Variants in KCNC2 observed in about 807,000 individuals in gnomAD.
KCNC2 encodes voltage-gated potassium channel KCNC2.
In KCNC2, 21 loss-of-function variants were observed where a neutral mutation model predicts 44.5. That is an observed-to-expected ratio of 0.47 (90% CI 0.33 to 0.68). The LOEUF (loss-of-function observed/expected upper bound fraction) is 0.68. Among genes scored for constraint, KCNC2 ranks in the 30% least tolerant of loss-of-function variants. The pLI, the probability that KCNC2 is intolerant of heterozygous loss-of-function variation, is 0.01. For synonymous variants in KCNC2, 391 were observed against 339.1 expected (o/e 1.15, Z -1.68); for missense variants, 589 against 826.2 (o/e 0.71, Z 3.52).
In KCNC2 at chr12:75,041,873, G is replaced by T. The variant is rs538861072; in HGVS notation, c.*1232C>A. ...CAAAAAATGGTATGGAGTCGGGTTT[G>T]GAGGGAGTAAATATTAAAATCATAA... is the stretch of plus-strand genomic sequence containing the variant. On this transcript the variant is annotated 3_prime_UTR_variant, in exon 5 of 5. Transcript: ENST00000549446. 5.8e-5 allele frequency: 57 copies of T among 990,534 alleles called. 1 individual carries two copies. In the South Asian group the frequency reaches 2.3e-3, roughly 39 times the overall value. The allele number at this position is 990,534 out of a possible 1,614,324, so 61.4% of individuals were successfully genotyped here. A position where few individuals can be genotyped will look rare whatever the true frequency, so the allele number is the denominator to read the frequency against.
At chr12:75,158,537 C>T (rs1439007798) in intron 2 of KCNC2, among the ~76,000 whole-genome samples, 2 of 151,802 alleles carry the variant, frequency 1.3e-5, no homozygotes, top group East Asian at 1.9e-4. Flanking sequence ...GAGGGCCTGG[C>T]GCTTTGAAAT....
At chr12:75,065,813 C>A (rs961630417) in intron 2 of KCNC2, among the ~76,000 whole-genome samples, 2 of 152,050 alleles carry the variant, frequency 1.3e-5, no homozygotes, top group South Asian at 4.1e-4. Context: ...TACATGACTG[C>A]ATTACAAATA....
chr12:75,051,343 A>G (rs773626719), intron 2 of KCNC2, 26 bp from the exon 3 acceptor site: 5 of 1,308,718 alleles, frequency 3.8e-6, no homozygotes, highest in Admixed American at 2.3e-5. Flanking sequence ...AAATAAAAAA[A>G]CCCATAGTGA....
intron 2 of KCNC2, among the ~76,000 whole-genome samples, chr12:75,177,655 T>C (rs1167426526): frequency 1.3e-5 from 2 of 152,026 alleles, no homozygotes; most frequent in East Asian, 1.9e-4. Context: ...CATCCAGATA[T>C]AATATCATAC....
chr12:75,110,723 T>G (rs1286342678), intron 2 of KCNC2, among the ~76,000 whole-genome samples: 1 of 152,106 alleles, frequency 6.6e-6, no homozygotes, highest in Admixed American at 6.6e-5. Context: ...TTCAATGTAA[T>G]GTATTTAATT....
chr12:75,044,395 G>T, intron 4 of KCNC2: 1 of 151,742 alleles, frequency 6.6e-6, no homozygotes. Context: ...TTACTTTTTG[G>T]ATTCTAATCA....
chr12:75,200,440 T>C (rs1444638688), intron 2 of KCNC2, among the ~76,000 whole-genome samples: 3 of 151,876 alleles, frequency 2.0e-5, no homozygotes, highest in East Asian at 1.9e-4. Context: ...ATAATATATA[T>C]TTTGGACACA....
intron 2 of KCNC2, among the ~76,000 whole-genome samples, chr12:75,180,086 A>G (rs990163960): frequency 3.9e-4 from 59 of 151,970 alleles, no homozygotes; most frequent in African/African-American, 1.4e-3. Flanking sequence ...TATATTGTCA[A>G]CATAGTAATT....
At chr12:75,188,730 C>G (rs1008547644) in intron 2 of KCNC2, among the ~76,000 whole-genome samples, 10 of 151,186 alleles carry the variant, frequency 6.6e-5, no homozygotes, top group Non-Finnish European at 8.8e-5. Context: ...CATGGTGGTG[C>G]GTGCCTGTAA....
intron 2 of KCNC2, among the ~76,000 whole-genome samples, chr12:75,132,381 T>C (rs554396966): frequency 6.6e-6 from 1 of 152,294 alleles, no homozygotes. Context: ...GTTAGTTAAA[T>C]GAATAGATAT....
At chr12:75,114,988 C>G (rs1887549015) in intron 2 of KCNC2, among the ~76,000 whole-genome samples, 1 of 150,648 alleles carries the variant, frequency 6.6e-6, no homozygotes, top group Non-Finnish European at 1.5e-5. Flanking sequence ...CCTCACCTGC[C>G]GAATAGCTGG....
intron 2 of KCNC2, among the ~76,000 whole-genome samples, chr12:75,141,342 G>T (rs1592955517): frequency 1.3e-5 from 2 of 152,174 alleles, no homozygotes; most frequent in Non-Finnish European, 2.9e-5. Context: ...TGCAACATTA[G>T]ATTATCTTGA....
At chr12:75,161,063 G>GGT (rs35515340) in intron 2 of KCNC2, among the ~76,000 whole-genome samples, 30,044 of 151,418 alleles carry the variant, frequency 0.2, 3,306 homozygotes, top group African/African-American at 0.27. Context: ...TACATATTTG[G>GGT]TTTAATTAGC....
Position 75,043,223 on chromosome 12 carries a change from C to T in KCNC2, c.1799G>A (p.Ser600Asn), listed in dbSNP as rs779559517. Residue 600 changes from serine to asparagine, a missense_variant, in exon 5 of 5, where the codon AGC becomes AAC. This residue lies in a region of KCNC2 where 171 missense variants were observed against 182.4 expected (regional missense o/e 0.94). Transcript: ENST00000549446. ...GIRKGYEKSRSLNNIAGLAGN... is the reference protein window; with the variant it reads ...GIRKGYEKSRNLNNIAGLAGN... ...TGCCAAGCCCGCTATGTTGTTTAAG[C>T]TTCGGGATTTTTCATATCCTTTTAT... 3.1e-6 allele frequency: 5 copies of T among 1,611,870 alleles called. No homozygotes were observed. The highest frequency in any genetic ancestry group is 4.2e-6 in the Non-Finnish European group (5 of 1,178,794).
At chr12:75,115,492 T>C in intron 2 of KCNC2, among the ~76,000 whole-genome samples, 1 of 152,220 alleles carries the variant, frequency 6.6e-6, no homozygotes, top group Non-Finnish European at 1.5e-5. Context: ...TACTTATTTA[T>C]TTATGCTCCC....
intron 2 of KCNC2, among the ~76,000 whole-genome samples, chr12:75,084,290 T>TAGATATAGATA (rs200893949): frequency 1.6e-5 from 2 of 123,656 alleles, no homozygotes; most frequent in Non-Finnish European, 1.6e-5. Context: ...GATAGATAGA[T>TAGATATAGATA]GATAGATAGA....
At chr12:75,156,280 T>C (rs1410146422) in intron 2 of KCNC2, among the ~76,000 whole-genome samples, 2 of 151,666 alleles carry the variant, frequency 1.3e-5, no homozygotes, top group African/African-American at 4.8e-5. Flanking sequence ...TAGATAAGAA[T>C]TATGTATACA....
At chr12:75,202,044 A>G (rs966775086) in intron 2 of KCNC2, among the ~76,000 whole-genome samples, 3 of 151,956 alleles carry the variant, frequency 2.0e-5, no homozygotes, top group Non-Finnish European at 2.9e-5. Flanking sequence ...ATTGATGGCA[A>G]TGATAAACAT....
At chr12:75,168,817 GAACA>G (rs1891626385) in intron 2 of KCNC2, among the ~76,000 whole-genome samples, 1 of 151,446 alleles carries the variant, frequency 6.6e-6, no homozygotes, top group Non-Finnish European at 1.5e-5. Context: ...TATTTAATTT[GAACA>G]AAATGAATAA....
Sources: allele counts gnomAD v4.1 joint callset (sites outside exome capture counted in the v4.1 genomes callset), GRCh38; gene constraint gnomAD v4.1.1; regional missense constraint gnomAD v4.1.1; transcripts MANE v1.5; gene names NCBI Gene and HGNC (gene_info 2026-07-23, HGNC 2026-07-21).